The following YWHAG variants were observed in gnomAD, a reference collection of about 807,000 sequenced individuals.
YWHAG encodes tyrosine 3-monooxygenase/tryptophan 5-monooxygenase activation protein gamma.
In YWHAG, 1 loss-of-function variant was observed where a neutral mutation model predicts 23.3. That is an observed-to-expected ratio of 0.04 (90% CI 0.02 to 0.20). The LOEUF (loss-of-function observed/expected upper bound fraction) is 0.20. Among genes scored for constraint, YWHAG ranks in the 10% least tolerant of loss-of-function variants. The pLI is 1.00. For synonymous variants in YWHAG, 160 were observed against 144.0 expected, an observed-to-expected ratio of 1.11 and a Z score of -0.80; for missense variants, 151 against 338.6, an observed-to-expected ratio of 0.45 and a Z score of 4.35.
At chr7:76,346,849 C>T (rs192610478) in intron 1 of YWHAG, among the ~76,000 whole-genome samples, 5 of 152,284 alleles carry the variant, frequency 3.3e-5, no homozygotes, top group African/African-American at 4.8e-5. Context: ...TCAGAAGGCC[C>T]TTCGTGAACT....
intron 1 of YWHAG, among the ~76,000 whole-genome samples, chr7:76,339,507 T>C (rs768294123): frequency 6.6e-6 from 1 of 151,994 alleles, no homozygotes; most frequent in African/African-American, 2.4e-5. Flanking sequence ...TAATAATGTA[T>C]AAAAATGATA....
At chr7:76,353,828 G>A (rs1412511453) in intron 1 of YWHAG, among the ~76,000 whole-genome samples, 1 of 151,992 alleles carries the variant, frequency 6.6e-6, no homozygotes, top group Non-Finnish European at 1.5e-5. Flanking sequence ...CAGTACTTTG[G>A]GAGGCCAAGA....
intron 1 of YWHAG, among the ~76,000 whole-genome samples, chr7:76,337,827 T>G (rs903845101): frequency 6.6e-6 from 1 of 152,130 alleles, no homozygotes; most frequent in African/African-American, 2.4e-5. Context: ...TGAGCCACTG[T>G]GCCCGACCCC....
At position 76,329,569 on chromosome 7, in the gene YWHAG, C is replaced by T; in HGVS notation, c.*8G>A. The T allele has an allele frequency of 6.3e-7, 1 of 1,599,008 alleles. No homozygotes were observed. Among genetic ancestry groups the T allele is most frequent in the Non-Finnish European group, 8.5e-7 (1 of 1,170,052 alleles). ...GCATCCGCGTGCGCTGCCAGTTCCC[C>T]TGGGGCCTTAATTGTTGCCTTCGCC... On this transcript the variant is annotated 3_prime_UTR_variant, in exon 2 of 2. Coordinates refer to ENST00000307630, the MANE Select transcript of YWHAG (RefSeq NM_012479.4). The surrounding 1 kb of genome is among the most constrained non-coding windows in gnomAD (Gnocchi z 6.1).
At chr7:76,341,927 C>T (rs1486154942) in intron 1 of YWHAG, among the ~76,000 whole-genome samples, 3 of 152,146 alleles carry the variant, frequency 2.0e-5, no homozygotes, top group Non-Finnish European at 2.9e-5. Context: ...CTGCACTATA[C>T]GACAGTTTAT....
intron 1 of YWHAG, among the ~76,000 whole-genome samples, chr7:76,336,755 CTTTT>C (rs36057808): frequency 2.3e-5 from 3 of 133,248 alleles, no homozygotes; most frequent in Admixed American, 1.5e-4. Context: ...GGTGCCCGGT[CTTTT>C]TTTTTTTTTT....
chr7:76,347,555 C>T lies in YWHAG; in HGVS notation c.87+11167G>A, dbSNP rs757338129. 4.1e-4 allele frequency among the ~76,000 whole-genome samples: 62 copies of T among 151,786 alleles called. 1 individual carries two copies. Among genetic ancestry groups the T allele is most frequent in the Non-Finnish European group, 5.9e-5 (4 of 67,996 alleles). ...GAGCTGAGATCGTGCCATTGAACTC[C>T]AGCCTGGGAAATAAGAGGGAAAATC... On this transcript the variant is annotated intron_variant, in intron 1 of 1. Transcript: ENST00000307630.
chr7:76,333,880 T>C (rs1166060162), intron 1 of YWHAG, among the ~76,000 whole-genome samples: 1 of 152,260 alleles, frequency 6.6e-6, no homozygotes, highest in East Asian at 1.9e-4. Context: ...CCAGGAGCTA[T>C]TTAAAGCTCA....
chr7:76,337,820 G>A lies in YWHAG; in HGVS notation c.88-7587C>T, dbSNP rs190484439. Among the ~76,000 whole-genome samples, 359 of 152,280 alleles carry A rather than the reference G, an allele frequency of 2.4e-3. 4 individuals carry two copies. The highest frequency in any genetic ancestry group is 0.015 in the South Asian group (72 of 4,828). ...CAAAGTGCTGGGATTACCGGCATGA[G>A]CCACTGTGCCCGACCCCATTTGCTG... On this transcript the variant is annotated intron_variant, in intron 1 of 1. Transcript: ENST00000307630.
Position 76,329,489 on chromosome 7 carries a change from T to TAC in YWHAG, c.*87_*88insGT. ...TCCCTGGGAAGGTCATCCCTCCCTT[T>TAC]CCCTCCCCCACCCGACCCCCAACTC... On this transcript the variant is annotated 3_prime_UTR_variant, in exon 2 of 2. Transcript: ENST00000307630. The surrounding 1 kb of genome is among the most constrained non-coding windows in gnomAD (Gnocchi z 6.1). 18 of 1,024,226 alleles carry TAC rather than the reference T, an allele frequency of 1.8e-5. No individual in the cohort carries two copies. The highest frequency in any genetic ancestry group is 3.5e-5 in the East Asian group (1 of 28,686). The allele number at this position is 1,024,226 out of a possible 1,614,324, so 63.4% of individuals were successfully genotyped here.
At chr7:76,349,593 T>C (rs1008121988) in intron 1 of YWHAG, among the ~76,000 whole-genome samples, 1 of 152,108 alleles carries the variant, frequency 6.6e-6, no homozygotes, top group African/African-American at 2.4e-5. Flanking sequence ...CTCCAAATAA[T>C]GTTGGTAGAA....
chr7:76,351,331 C>T (rs1254871474), intron 1 of YWHAG, among the ~76,000 whole-genome samples: 2 of 152,132 alleles, frequency 1.3e-5, no homozygotes, highest in South Asian at 2.1e-4. Context: ...CTTGGAATGC[C>T]CTTTTCTGTT....
intron 1 of YWHAG, among the ~76,000 whole-genome samples, chr7:76,354,968 G>A (rs982975533): frequency 1.6e-4 from 25 of 152,282 alleles, no homozygotes; most frequent in South Asian, 6.2e-4. Flanking sequence ...CAGTTCAGAC[G>A]CTTGGAAATG....
intron 1 of YWHAG, among the ~76,000 whole-genome samples, chr7:76,351,894 C>T (rs187767154): frequency 8.2e-4 from 125 of 152,296 alleles, no homozygotes; most frequent in Admixed American, 1.4e-3. Context: ...ACCCCTCACC[C>T]CACCCAGTCC....
chr7:76,331,639 G>C (rs112821890), intron 1 of YWHAG, among the ~76,000 whole-genome samples: 1,978 of 151,672 alleles, frequency 0.013, 21 homozygotes, highest in South Asian at 0.027. Flanking sequence ...GAAGCCAAAA[G>C]ACTGGACACC....
intron 1 of YWHAG, among the ~76,000 whole-genome samples, chr7:76,355,010 G>T (rs1230323675): frequency 6.6e-6 from 1 of 152,238 alleles, no homozygotes; most frequent in Non-Finnish European, 1.5e-5. Flanking sequence ...ATCGCTGGCT[G>T]TGAGCTGTTG....
At chr7:76,343,625 T>G (rs1208954981) in intron 1 of YWHAG, among the ~76,000 whole-genome samples, 2 of 152,126 alleles carry the variant, frequency 1.3e-5, no homozygotes, top group African/African-American at 4.8e-5. Context: ...CCACCTCCTT[T>G]CCAATATGAA....
Position 76,330,230 on chromosome 7 carries a change from T to C in YWHAG, c.91A>G (p.Thr31Ala), listed in dbSNP as rs1803522708. The C allele has an allele frequency of 6.2e-7, 1 of 1,610,806 alleles. No homozygotes were observed. The highest frequency in any genetic ancestry group is 1.1e-5 in the South Asian group (1 of 91,048). Residue 31 changes from threonine (T) to alanine (A), a missense_variant, in exon 2 of 2, where the codon ACA becomes GCA. Thr to Ala is a moderately conservative substitution (Grantham distance 58). Coordinates refer to ENST00000307630, the MANE Select transcript of YWHAG (RefSeq NM_012479.4). Reference sequence around the variant, plus strand: ...TTCGACAGTGGCTCATTCAGCTCTGTCACCTGCCAGGAGGAAAGAACAGAG... The same window carrying C: ...TTCGACAGTGGCTCATTCAGCTCTGCCACCTGCCAGGAGGAAAGAACAGAG... ...DDMAAAMKNV[T>A]ELNEPLSNEE...
intron 1 of YWHAG, among the ~76,000 whole-genome samples, chr7:76,349,210 T>G (rs1370390448): frequency 6.6e-6 from 1 of 151,140 alleles, no homozygotes; most frequent in Non-Finnish European, 1.5e-5. Context: ...GGCGTGGTGG[T>G]GGGCGCCTGT....
Sources: gnomAD v4.1 joint callset for allele counts (sites outside exome capture counted in the v4.1 genomes callset) on GRCh38, gnomAD v4.1.1 for gene constraint, Gnocchi (gnomAD v3.1) non-coding constraint, MANE v1.5 for transcripts, NCBI Gene and HGNC (gene_info 2026-07-23, HGNC 2026-07-21) for gene names.